Variants in CNTNAP2 observed in about 807,000 individuals in gnomAD.
CNTNAP2 encodes the protein contactin-associated protein-like 2.
A neutral mutation model predicts 155.2 loss-of-function variants in CNTNAP2; 98 were observed. The observed-to-expected ratio is 0.63, with a 90% CI of 0.54 to 0.75. The LOEUF is 0.75. Ranked by LOEUF, CNTNAP2 falls within the 30% of genes least tolerant of loss-of-function variation. The pLI, the probability that CNTNAP2 is intolerant of heterozygous loss-of-function variation, is 0.00. For synonymous variants in CNTNAP2, 651 were observed against 631.2 expected, an observed-to-expected ratio of 1.03 and a Z score of -0.47; for missense variants, 1,727 against 1,688.1, an observed-to-expected ratio of 1.02 and a Z score of -0.40.
intron 9 of CNTNAP2, among the ~76,000 whole-genome samples, chr7:147,302,458 C>T (rs1794962847): frequency 6.6e-6 from 1 of 152,168 alleles, no homozygotes; most frequent in African/African-American, 2.4e-5. Flanking sequence ...ATATTGATTT[C>T]CTCTTGGGTC....
intron 1 of CNTNAP2, among the ~76,000 whole-genome samples, chr7:146,468,659 A>G (rs1448324578): frequency 6.6e-6 from 1 of 152,154 alleles, no homozygotes. Context: ...TTTTTAAAGA[A>G]TTTCGACAAA....
At chr7:148,019,531 C>G (rs1802239861) in intron 15 of CNTNAP2, among the ~76,000 whole-genome samples, 1 of 152,150 alleles carries the variant, frequency 6.6e-6, no homozygotes, top group African/African-American at 2.4e-5. Context: ...GATATCTTGG[C>G]TCAATGCAAC....
chr7:147,804,952 A>G (rs1798066310), intron 13 of CNTNAP2, among the ~76,000 whole-genome samples: 1 of 152,192 alleles, frequency 6.6e-6, no homozygotes, highest in Admixed American at 6.5e-5. Flanking sequence ...GCATCAGGGC[A>G]CTTGTCTCAC....
intron 13 of CNTNAP2, among the ~76,000 whole-genome samples, chr7:147,750,025 C>A (rs1797109302): frequency 6.6e-6 from 1 of 152,022 alleles, no homozygotes; most frequent in Non-Finnish European, 1.5e-5. Context: ...TAAAATAGAT[C>A]CTAGATATTC....
intron 9 of CNTNAP2, among the ~76,000 whole-genome samples, chr7:147,301,652 T>C (rs1190367060): frequency 6.8e-6 from 1 of 147,554 alleles, no homozygotes; most frequent in East Asian, 2.0e-4. Flanking sequence ...GTGTTCTAGT[T>C]TTTAGAGTAA....
At chr7:146,902,631 T>G (rs538770342) in intron 3 of CNTNAP2, among the ~76,000 whole-genome samples, 1 of 152,314 alleles carries the variant, frequency 6.6e-6, no homozygotes, top group African/African-American at 2.4e-5. Context: ...CTAACTTCCC[T>G]TGCAAACTTC....
chr7:147,207,356 C>T (rs531803974), intron 8 of CNTNAP2, among the ~76,000 whole-genome samples: 12 of 152,186 alleles, frequency 7.9e-5, no homozygotes, highest in African/African-American at 2.6e-4. Context: ...TGTATGCAGT[C>T]ATTAAATATC....
chr7:146,294,765 G>GTATT (rs1316977270), intron 1 of CNTNAP2, among the ~76,000 whole-genome samples: 4 of 152,062 alleles, frequency 2.6e-5, no homozygotes, highest in African/African-American at 9.7e-5. Flanking sequence ...CATACTTTGT[G>GTATT]TATTTATCCA....
intron 13 of CNTNAP2, among the ~76,000 whole-genome samples, chr7:147,722,067 T>C (rs539426529): frequency 1.3e-5 from 2 of 152,296 alleles, no homozygotes; most frequent in East Asian, 3.9e-4. Flanking sequence ...CCAAACCTTT[T>C]GAGGAATTGT....
At chr7:146,671,784 C>T (rs942628990) in intron 1 of CNTNAP2, among the ~76,000 whole-genome samples, 1 of 151,766 alleles carries the variant, frequency 6.6e-6, no homozygotes, top group Non-Finnish European at 1.5e-5. Context: ...ATACAGTATT[C>T]TCTTTCTTTT....
chr7:147,955,633 T>C (rs77664769), intron 14 of CNTNAP2, among the ~76,000 whole-genome samples: 5,661 of 152,244 alleles, frequency 0.037, 161 homozygotes, highest in South Asian at 0.13. Context: ...AAATTGATTC[T>C]ATAGTACAGA....
At chr7:146,718,383 C>A (rs910995845) in intron 1 of CNTNAP2, among the ~76,000 whole-genome samples, 2 of 152,156 alleles carry the variant, frequency 1.3e-5, no homozygotes, top group East Asian at 3.9e-4. Flanking sequence ...GGCTTGTTCA[C>A]AGCCTCATTG....
At chr7:147,589,761 G>A (rs1800702910) in intron 12 of CNTNAP2, among the ~76,000 whole-genome samples, 1 of 152,044 alleles carries the variant, frequency 6.6e-6, no homozygotes, top group South Asian at 2.1e-4. Flanking sequence ...TCTTGTAAAT[G>A]TCACCTATTC....
At chr7:147,078,232 T>A (rs1190824891) in intron 4 of CNTNAP2, among the ~76,000 whole-genome samples, 1 of 152,232 alleles carries the variant, frequency 6.6e-6, no homozygotes, top group Non-Finnish European at 1.5e-5. Flanking sequence ...CAATGCCAAC[T>A]TTATCTGCGA....
chr7:146,130,400 T>C (rs1226251149), intron 1 of CNTNAP2, among the ~76,000 whole-genome samples: 2 of 152,072 alleles, frequency 1.3e-5, no homozygotes, highest in Non-Finnish European at 2.9e-5. Context: ...AGCCCCGGAG[T>C]TCAAAGCTAC....
intron 3 of CNTNAP2, among the ~76,000 whole-genome samples, chr7:146,951,633 T>C (rs373760625): frequency 8.5e-5 from 13 of 152,264 alleles, no homozygotes; most frequent in African/African-American, 3.1e-4. Flanking sequence ...CTGAGGCATC[T>C]GTTTGTTCCA....
chr7:146,848,341 A>T (rs1050411039), intron 3 of CNTNAP2, among the ~76,000 whole-genome samples: 13 of 152,222 alleles, frequency 8.5e-5, no homozygotes, highest in Non-Finnish European at 1.8e-4. Context: ...AGACAGATTT[A>T]TCGTGAAAAA....
chr7:147,934,385 A>G (rs1800566866), intron 14 of CNTNAP2, among the ~76,000 whole-genome samples: 1 of 152,136 alleles, frequency 6.6e-6, no homozygotes, highest in Non-Finnish European at 1.5e-5. Context: ...AAGAGAGAGA[A>G]CTTGTGCAGG....
At chr7:147,085,144 G>A (rs1360115946) in intron 4 of CNTNAP2, among the ~76,000 whole-genome samples, 1 of 152,098 alleles carries the variant, frequency 6.6e-6, no homozygotes, top group Non-Finnish European at 1.5e-5. Flanking sequence ...ATTTTCTTAA[G>A]AAAAGTGTGA....
Sources: gnomAD v4.1 joint callset for allele counts (sites outside exome capture counted in the v4.1 genomes callset) on GRCh38, gnomAD v4.1.1 for gene constraint, MANE v1.5 for transcripts, NCBI Gene and HGNC (gene_info 2026-07-23, HGNC 2026-07-21) for gene names.